FIG4: variants seen among roughly 807,000 people sequenced by gnomAD.
FIG4 encodes FIG4 phosphoinositide 5-phosphatase.
A neutral mutation model predicts 118.6 loss-of-function variants in FIG4; 112 were observed. That is an observed-to-expected ratio of 0.94 (90% CI 0.81 to 1.11). The LOEUF is 1.11. Ranked by LOEUF, FIG4 falls within the 50% of genes least tolerant of loss-of-function variation. The pLI, the probability that FIG4 is intolerant of heterozygous loss-of-function variation, is 0.00. For synonymous variants in FIG4, 369 were observed against 381.2 expected, an observed-to-expected ratio of 0.97 and a Z score of 0.37; for missense variants, 969 against 1,111.7, an observed-to-expected ratio of 0.87 and a Z score of 1.83.
rs796749743 is a variant in FIG4 at position 109,753,219 on chromosome 6, C to T, written c.1138-7031C>T. Among the ~76,000 whole-genome samples, 18 of 152,236 alleles carry T rather than the reference C, an allele frequency of 1.2e-4. 1 individual carries two copies. The highest frequency in any genetic ancestry group is 3.9e-4 in the Admixed American group (6 of 15,282). On this transcript the variant is annotated intron_variant, in intron 10 of 22. Coordinates refer to ENST00000230124, the MANE Select transcript of FIG4 (RefSeq NM_014845.6). ...ACCCTGCTTAGCTTCCGAGATCAGA[C>T]GAGATCGGGCGTGTTCAGGGTGGTA... is the stretch of plus-strand genomic sequence containing the variant.
Position 109,791,575 on chromosome 6 carries a change from C to T in FIG4, c.2376+4C>T, listed in dbSNP as rs754210462. On this transcript the variant is annotated splice_donor_region_variant and intron_variant, in intron 20 of 22. Transcript: ENST00000230124. ...AGACAGTGCCAAAGTGACCGAGGTG[C>T]GGGGGAGGGAAGCCTGTGGCATCCA... 5.0e-6 allele frequency: 8 copies of T among 1,613,138 alleles called. No individual in the cohort carries two copies. Among genetic ancestry groups the T allele is most frequent in the Middle Eastern group, 1.7e-4 (1 of 6,044 alleles).
chr6:109,705,433 C>A (rs992629275), intron 1 of FIG4, among the ~76,000 whole-genome samples: 1 of 152,170 alleles, frequency 6.6e-6, no homozygotes, highest in Non-Finnish European at 1.5e-5. Flanking sequence ...CATGAGGTCG[C>A]TATTCTCTGC....
chr6:109,814,957 T>G (rs558483265), intron 22 of FIG4, among the ~76,000 whole-genome samples: 2 of 152,280 alleles, frequency 1.3e-5, no homozygotes. Flanking sequence ...TATGTGTACA[T>G]GTACATATAT....
intron 16 of FIG4, among the ~76,000 whole-genome samples, chr6:109,783,447 T>C (rs1345438966): frequency 6.6e-6 from 1 of 152,222 alleles, no homozygotes; most frequent in Non-Finnish European, 1.5e-5. Context: ...TTCTGTCTTC[T>C]GGGTTGTACA....
At chr6:109,779,727 T>C (rs984092365) in intron 16 of FIG4, among the ~76,000 whole-genome samples, 11 of 152,316 alleles carry the variant, frequency 7.2e-5, no homozygotes, top group African/African-American at 2.6e-4. Context: ...GTCACCCACC[T>C]GTACAGGTTA....
chr6:109,782,712 C>T (rs954109471), intron 16 of FIG4, among the ~76,000 whole-genome samples: 3 of 152,192 alleles, frequency 2.0e-5, no homozygotes, highest in African/African-American at 7.2e-5. Flanking sequence ...GCATACACCC[C>T]TCTTAAACAA....
intron 3 of FIG4, among the ~76,000 whole-genome samples, chr6:109,718,854 A>G (rs1775516807): frequency 6.6e-6 from 1 of 152,206 alleles, no homozygotes; most frequent in African/African-American, 2.4e-5. Flanking sequence ...TGTTTAAAAT[A>G]TAGTAGACTC....
At chr6:109,750,179 A>G (rs890073087) in intron 10 of FIG4, among the ~76,000 whole-genome samples, 6 of 152,220 alleles carry the variant, frequency 3.9e-5, no homozygotes, top group African/African-American at 1.4e-4. Flanking sequence ...CCCAGTTGTG[A>G]AAGTTTGAGG....
At chr6:109,769,056 G>T (rs905883126) in intron 15 of FIG4, among the ~76,000 whole-genome samples, 1 of 151,218 alleles carries the variant, frequency 6.6e-6, no homozygotes, top group Admixed American at 6.6e-5. Flanking sequence ...TCCTGTGGTC[G>T]TTGTCCCTGT....
chr6:109,816,833 G>T (rs557542075), intron 22 of FIG4, among the ~76,000 whole-genome samples: 17 of 152,222 alleles, frequency 1.1e-4, no homozygotes, highest in Non-Finnish European at 2.1e-4. Context: ...ACCAGAAAAA[G>T]ATGAGACTAT....
intron 3 of FIG4, among the ~76,000 whole-genome samples, chr6:109,726,495 T>A (rs1230995773): frequency 6.6e-6 from 1 of 152,198 alleles, no homozygotes; most frequent in Non-Finnish European, 1.5e-5. Flanking sequence ...CTGTTTTGGT[T>A]ACTGTAGCCT....
intron 1 of FIG4, among the ~76,000 whole-genome samples, chr6:109,699,737 C>A (rs1489727147): frequency 6.6e-6 from 1 of 152,104 alleles, no homozygotes; most frequent in African/African-American, 2.4e-5. Context: ...CTCCTGACTT[C>A]AAGTGATTTG....
chr6:109,792,587 G>A lies in FIG4; in HGVS notation c.2382G>A (p.Val794=), dbSNP rs1201567620. The part of the protein sequence containing the change: ...AGDSAKVTEN[V]VQPMKELYGI... Reference sequence around the variant, plus strand: ...TTTTTTTTTTTAAACCCCAGAATGTGGTCCAACCCATGAAGGAGCTATATG... The same window carrying A: ...TTTTTTTTTTTAAACCCCAGAATGTAGTCCAACCCATGAAGGAGCTATATG... Residue 794 remains valine (V), a synonymous_variant, in exon 21 of 23, where the codon GTG becomes GTA. Transcript: ENST00000230124. 3.2e-6 allele frequency: 5 copies of A among 1,584,554 alleles called. No homozygotes were observed. Among genetic ancestry groups the A allele is most frequent in the Non-Finnish European group, 3.5e-6 (4 of 1,155,000 alleles).
At chr6:109,796,731 T>A (rs934332451) in intron 21 of FIG4, 34 bp from the exon 22 acceptor site, 2 of 1,269,490 alleles carry the variant, frequency 1.6e-6, no homozygotes, top group African/African-American at 2.9e-5. Context: ...AGTACTCCCT[T>A]CTTTAGCTGA....
At chr6:109,692,973 C>CATCTGTACAG (rs1774575303) in intron 1 of FIG4, among the ~76,000 whole-genome samples, 1 of 152,142 alleles carries the variant, frequency 6.6e-6, no homozygotes, top group African/African-American at 2.4e-5. Context: ...CATGAGCCAC[C>CATCTGTACAG]GCATCTGGCC....
chr6:109,698,516 T>C (rs954389694), intron 1 of FIG4, among the ~76,000 whole-genome samples: 5 of 152,256 alleles, frequency 3.3e-5, no homozygotes, highest in Admixed American at 6.5e-5. Flanking sequence ...CCTATGGCCC[T>C]GGCCAGGACC....
intron 1 of FIG4, among the ~76,000 whole-genome samples, chr6:109,704,750 T>C (rs1192519161): frequency 6.6e-6 from 1 of 151,472 alleles, no homozygotes; most frequent in Non-Finnish European, 1.5e-5. Context: ...TGATGAACTA[T>C]TCTAGATTAA....
At chr6:109,822,787 GTATATATATATATATATA>G (rs10523453) in intron 22 of FIG4, among the ~76,000 whole-genome samples, 1,720 of 120,438 alleles carry the variant, frequency 0.014, 63 homozygotes, top group African/African-American at 0.048. Flanking sequence ...GTGTGTGTAT[GTATATATATATATATATA>G]TATATATATA....
At chr6:109,719,786 CTT>C (rs534117154) in intron 3 of FIG4, among the ~76,000 whole-genome samples, 50 of 152,038 alleles carry the variant, frequency 3.3e-4, no homozygotes, top group Non-Finnish European at 6.0e-4. Flanking sequence ...CTGCTGGACT[CTT>C]TTGTTTTTTT....
Sources: gnomAD v4.1 joint callset for allele counts (sites outside exome capture counted in the v4.1 genomes callset) on GRCh38, gnomAD v4.1.1 for gene constraint, MANE v1.5 for transcripts, NCBI Gene and HGNC (gene_info 2026-07-23, HGNC 2026-07-21) for gene names.